UBE2D1: variants seen among roughly 807,000 people sequenced by gnomAD.
UBE2D1 encodes the protein ubiquitin-conjugating enzyme E2 D1.
UBE2D1 carries 9 observed loss-of-function variants against 24.6 expected under a neutral mutation model. The ratio of observed to expected loss-of-function variants is 0.37; its 90% CI spans 0.22 to 0.64. The LOEUF is 0.64. Among genes scored for constraint, UBE2D1 ranks in the 30% least tolerant of loss-of-function variants. UBE2D1 has a pLI of 0.64. For synonymous variants in UBE2D1, 57 were observed against 57.6 expected (o/e 0.99, Z 0.04); for missense variants, 87 against 177.1 (o/e 0.49, Z 2.89).
At position 58,335,058 on chromosome 10, in the gene UBE2D1, C is replaced by T. The variant is rs1040092095; in HGVS notation, c.-144C>T. ...CGCACACGGAGCAGGGACCGGCGCC[C>T]GGAGCGAGCCAGGGAGCGGCTAACC... On this transcript the variant is annotated 5_prime_UTR_variant, in exon 1 of 7. Transcript: ENST00000373910. 4 of 853,776 alleles carry T rather than the reference C, an allele frequency of 4.7e-6. No homozygotes were observed. The highest frequency in any genetic ancestry group is 4.9e-5 in the Admixed American group (2 of 40,658). The allele number at this position is 853,776 out of a possible 1,614,324, so 52.9% of individuals were successfully genotyped here.
At chr10:58,340,981 A>T (rs1345602137) in intron 1 of UBE2D1, among the ~76,000 whole-genome samples, 2 of 152,202 alleles carry the variant, frequency 1.3e-5, no homozygotes, top group African/African-American at 4.8e-5. Context: ...ACCTTGGCAT[A>T]TTTGATCATT....
chr10:58,346,753 AG>A (rs1252695039), intron 1 of UBE2D1, among the ~76,000 whole-genome samples: 1 of 152,204 alleles, frequency 6.6e-6, no homozygotes, highest in Non-Finnish European at 1.5e-5. Context: ...AAAACATCGA[AG>A]AGGTTTGACA....
At chr10:58,364,631 A>T (rs1840236259) in intron 4 of UBE2D1, 140 bp from the exon 5 acceptor site, 1 of 614,280 alleles carries the variant, frequency 1.6e-6, no homozygotes, top group East Asian at 2.8e-5. Context: ...GTAGATAATT[A>T]TTTGATTTGT....
chr10:58,338,703 A>G (rs1256582081), intron 1 of UBE2D1, among the ~76,000 whole-genome samples: 1 of 152,226 alleles, frequency 6.6e-6, no homozygotes, highest in Non-Finnish European at 1.5e-5. Context: ...AGTCATTGTC[A>G]TCATCATAGA....
At position 58,368,033 on chromosome 10, in the gene UBE2D1, T is replaced by G. The variant is rs754941320; in HGVS notation, c.398+17T>G. Reference sequence around the variant, plus strand: ...CAAAGAAAAGTAAGTGTTTACTTATTTTAGTTTCTGTATGGATACATTCCT... The same window carrying G: ...CAAAGAAAAGTAAGTGTTTACTTATGTTAGTTTCTGTATGGATACATTCCT... On this transcript the variant is annotated intron_variant, in intron 6 of 6. Coordinates refer to ENST00000373910, the MANE Select transcript of UBE2D1 (RefSeq NM_003338.5). The G allele has an allele frequency of 5.9e-5, 93 of 1,575,646 alleles. 1 individual carries two copies. Among genetic ancestry groups the G allele is most frequent in the Middle Eastern group, 3.3e-4 (2 of 5,994 alleles).
At chr10:58,356,296 G>C (rs184206951) in intron 1 of UBE2D1, among the ~76,000 whole-genome samples, 35 of 151,930 alleles carry the variant, frequency 2.3e-4, no homozygotes, top group African/African-American at 8.0e-4. Context: ...ATTTATTTTT[G>C]CCTAGAATTT....
intron 1 of UBE2D1, among the ~76,000 whole-genome samples, chr10:58,343,359 G>C (rs1268345085): frequency 1.3e-5 from 2 of 152,010 alleles, no homozygotes; most frequent in Non-Finnish European, 2.9e-5. Context: ...TTTGCATATA[G>C]TAAGGGTGTT....
intron 1 of UBE2D1, among the ~76,000 whole-genome samples, chr10:58,352,623 C>A (rs1157230049): frequency 6.6e-6 from 1 of 151,996 alleles, no homozygotes; most frequent in Admixed American, 6.6e-5. Flanking sequence ...ATGCCCCCAG[C>A]AATCTACCAT....
intron 1 of UBE2D1, among the ~76,000 whole-genome samples, chr10:58,336,859 G>T (rs1012226991): frequency 2.6e-5 from 4 of 152,050 alleles, no homozygotes; most frequent in Non-Finnish European, 5.9e-5. Flanking sequence ...AAGAGATGGG[G>T]ATCTCACTAT....
At chr10:58,352,949 G>C (rs1168935858) in intron 1 of UBE2D1, among the ~76,000 whole-genome samples, 3 of 152,056 alleles carry the variant, frequency 2.0e-5, no homozygotes, top group African/African-American at 7.2e-5. Context: ...GACACATTCA[G>C]AAGGGGACCC....
chr10:58,364,830 C>T lies in UBE2D1; in HGVS notation c.258C>T (p.Leu86=), dbSNP rs144227480. 1.0e-4 allele frequency: 167 copies of T among 1,613,606 alleles called. No homozygotes were observed. In the African/African-American group the frequency reaches 1.9e-3, roughly 18 times the overall value. The change falls in exon 5 of 7, where the codon CTC becomes CTT. Residue 86 remains leucine, a synonymous_variant. Transcript: ENST00000373910. ...PNINSNGSIC[L]DILRSQWSPA... ...TAAACAGTAATGGAAGTATTTGTCT[C>T]GATATTCTGAGGTCACAATGGTCAC... is the stretch of plus-strand genomic sequence containing the variant.
intron 1 of UBE2D1, among the ~76,000 whole-genome samples, chr10:58,351,524 A>G (rs1840077204): frequency 6.6e-6 from 1 of 152,042 alleles, no homozygotes; most frequent in Non-Finnish European, 1.5e-5. Flanking sequence ...ACACCTCCAC[A>G]TTTTGTCCCA....
At chr10:58,343,992 C>T (rs1342843522) in intron 1 of UBE2D1, among the ~76,000 whole-genome samples, 1 of 152,038 alleles carries the variant, frequency 6.6e-6, no homozygotes, top group African/African-American at 2.4e-5. Flanking sequence ...TCAAAATGCT[C>T]CATTTGCATA....
intron 1 of UBE2D1, among the ~76,000 whole-genome samples, chr10:58,349,717 T>A (rs1368843305): frequency 1.3e-5 from 2 of 152,130 alleles, no homozygotes; most frequent in Non-Finnish European, 2.9e-5. Context: ...CTTGACCAAT[T>A]TTTACAAAGT....
intron 3 of UBE2D1, among the ~76,000 whole-genome samples, chr10:58,361,990 TG>T (rs1485230151): frequency 6.6e-6 from 1 of 152,166 alleles, no homozygotes; most frequent in Non-Finnish European, 1.5e-5. Flanking sequence ...AATATTACAA[TG>T]GGTCTGTCTT....
intron 1 of UBE2D1, among the ~76,000 whole-genome samples, chr10:58,356,039 A>T (rs1204343530): frequency 1.3e-5 from 2 of 152,154 alleles, no homozygotes; most frequent in African/African-American, 4.8e-5. Flanking sequence ...GTAGAGGAAA[A>T]AAAACCAATG....
At chr10:58,367,513 T>G (rs1433403457) in intron 5 of UBE2D1, among the ~76,000 whole-genome samples, 2 of 152,188 alleles carry the variant, frequency 1.3e-5, no homozygotes, top group Admixed American at 1.3e-4. Context: ...TTCTTCTTTG[T>G]AGACAGACTA....
intron 1 of UBE2D1, among the ~76,000 whole-genome samples, chr10:58,345,308 T>A (rs77477064): frequency 0.17 from 26,037 of 150,752 alleles, 3,934 homozygotes; most frequent in African/African-American, 0.4. Flanking sequence ...CCATTTATTT[T>A]AAAAAAAAAA....
chr10:58,366,262 T>A (rs1047287919), intron 5 of UBE2D1, among the ~76,000 whole-genome samples: 1 of 152,310 alleles, frequency 6.6e-6, no homozygotes, highest in South Asian at 2.1e-4. Context: ...GAATCAGTAG[T>A]GTTAGATTCT....
Sources: gnomAD v4.1 joint callset for allele counts (sites outside exome capture counted in the v4.1 genomes callset) on GRCh38, gnomAD v4.1.1 for gene constraint, MANE v1.5 for transcripts, NCBI Gene and HGNC (gene_info 2026-07-23, HGNC 2026-07-21) for gene names.